The following SYNPR variants were observed in gnomAD, a reference collection of about 807,000 sequenced individuals.
The protein encoded by SYNPR is synaptoporin.
SYNPR carries 23 observed loss-of-function variants against 32.9 expected under a neutral mutation model. That is an observed-to-expected ratio of 0.70 (90% CI 0.50 to 0.99). The LOEUF (loss-of-function observed/expected upper bound fraction) is 0.99. SYNPR is among the 50% of genes least tolerant of loss of function. The pLI, the probability that SYNPR is intolerant of heterozygous loss-of-function variation, is 0.00. For missense variants in SYNPR, 318 were observed against 349.3 expected (o/e 0.91, Z 0.71); for synonymous variants, 146 against 135.9 (o/e 1.07, Z -0.52).
At chr3:63,494,455 A>ACG in intron 3 of SYNPR, among the ~76,000 whole-genome samples, 1 of 139,938 alleles carries the variant, frequency 7.1e-6, no homozygotes, top group Admixed American at 7.1e-5. Flanking sequence ...ATACACATAT[A>ACG]TATACATATA....
chr3:63,477,411 A>G (rs1292596137), intron 2 of SYNPR, among the ~76,000 whole-genome samples: 1 of 152,144 alleles, frequency 6.6e-6, no homozygotes, highest in Non-Finnish European at 1.5e-5. Flanking sequence ...ATATAGTATG[A>G]TTTCCCTTTA....
intron 2 of SYNPR, among the ~76,000 whole-genome samples, chr3:63,417,521 T>A (rs766989432): frequency 5.9e-5 from 9 of 152,236 alleles, no homozygotes; most frequent in Non-Finnish European, 1.0e-4. Context: ...TAGTAGGGAC[T>A]CTGTGTGGGG....
In SYNPR at chr3:63,425,246, G is replaced by T. The variant is rs115421100; in HGVS notation, c.85-55586G>T. ...ATGAGCAAATATTCATGTGCAAAGAGAAAACACTGTAAGGATAAACTCTCC... is the reference window on the plus strand; with the variant it reads ...ATGAGCAAATATTCATGTGCAAAGATAAAACACTGTAAGGATAAACTCTCC... On this transcript the variant is annotated intron_variant, in intron 2 of 5. Transcript: ENST00000478300. Among the ~76,000 whole-genome samples, 1,431 of 152,286 alleles carry T rather than the reference G, an allele frequency of 9.4e-3. 11 individuals carry two copies. The highest frequency in any genetic ancestry group is 0.024 in the Middle Eastern group (7 of 294).
chr3:63,615,469 C>T lies in SYNPR; in HGVS notation c.846C>T (p.Thr282=). ...GQQPTGPTSF[T]NQI ...AGCCTACTGGCCCCACTTCCTTTAC[C>T]AATCAGATTTAACAGAGTAGCATTT... The change falls in exon 6 of 6, where the codon ACC becomes ACT. Residue 282 remains threonine (T), a synonymous_variant. Transcript: ENST00000478300. 1 of 1,613,906 alleles carries T rather than the reference C, an allele frequency of 6.2e-7. No individual in the cohort carries two copies.
Position 63,470,240 on chromosome 3 carries a change from CT to C in SYNPR, c.85-10585del, listed in dbSNP as rs954269771. Among the ~76,000 whole-genome samples, 38 of 152,090 alleles carry C rather than the reference CT, an allele frequency of 2.5e-4. 1 individual carries two copies. The highest frequency in any genetic ancestry group is 8.4e-4 in the African/African-American group (35 of 41,424). Reference sequence around the variant, plus strand: ...TACAAAAATGCAATACATGTATTTACTTTTTTTGCTTTAAAAAGATTATAAA... The same window carrying C: ...TACAAAAATGCAATACATGTATTTACTTTTTTGCTTTAAAAAGATTATAAA... On this transcript the variant is annotated intron_variant, in intron 2 of 5. Transcript: ENST00000478300.
At chr3:63,289,670 G>A (rs62251349) in intron 2 of SYNPR, among the ~76,000 whole-genome samples, 69 of 151,938 alleles carry the variant, frequency 4.5e-4, no homozygotes, top group East Asian at 3.7e-3. Context: ...ATTACGGATC[G>A]AATTTCAACT....
Position 63,536,542 on chromosome 3 carries a change from A to C in SYNPR, c.210-20001A>C, listed in dbSNP as rs1307693087. ...AAATTGTAAAACCACTTTGGAAAAC[A>C]GTTTGGCAGTTCCTCCAAATGTTAA... On this transcript the variant is annotated intron_variant, in intron 3 of 5. Transcript: ENST00000478300. Among the ~76,000 whole-genome samples, 3 of 152,200 alleles carry C rather than the reference A, an allele frequency of 2.0e-5. No homozygotes were observed. In the East Asian group the frequency reaches 5.8e-4, roughly 29 times the overall value.
At chr3:63,580,568 T>C (rs1703072960) in intron 4 of SYNPR, among the ~76,000 whole-genome samples, 1 of 152,106 alleles carries the variant, frequency 6.6e-6, no homozygotes, top group South Asian at 2.1e-4. Flanking sequence ...CATCAGCCTT[T>C]TTTAACACAG....
intron 2 of SYNPR, among the ~76,000 whole-genome samples, chr3:63,331,629 T>C (rs945928178): frequency 1.2e-4 from 19 of 152,006 alleles, no homozygotes; most frequent in African/African-American, 4.6e-4. Context: ...TAAATATAAG[T>C]CCATGCTAAC....
At chr3:63,455,756 G>GGTGTGTGTGTGTGTGT (rs370244005) in intron 2 of SYNPR, among the ~76,000 whole-genome samples, 6,715 of 144,290 alleles carry the variant, frequency 0.047, 224 homozygotes, top group Middle Eastern at 0.095. Flanking sequence ...TCATGTTTGG[G>GGTGTGTGTGTGTGTGT]GTGTGTGTGT....
intron 4 of SYNPR, among the ~76,000 whole-genome samples, chr3:63,592,792 T>G (rs1240266730): frequency 2.0e-5 from 3 of 152,102 alleles, no homozygotes; most frequent in Non-Finnish European, 4.4e-5. Context: ...TATATTGTAT[T>G]TTTAGCTATA....
intron 2 of SYNPR, among the ~76,000 whole-genome samples, chr3:63,395,026 A>C (rs1316340544): frequency 6.6e-6 from 1 of 152,130 alleles, no homozygotes; most frequent in African/African-American, 2.4e-5. Flanking sequence ...TGCTCCCTTA[A>C]CTCACACAGG....
intron 2 of SYNPR, among the ~76,000 whole-genome samples, chr3:63,412,845 C>G (rs138389866): frequency 2.6e-5 from 4 of 152,114 alleles, no homozygotes; most frequent in Non-Finnish European, 5.9e-5. Flanking sequence ...TGAAGCATTT[C>G]GTGCAAGGGG....
intron 3 of SYNPR, among the ~76,000 whole-genome samples, chr3:63,549,485 G>A (rs996346259): frequency 1.3e-5 from 2 of 152,250 alleles, no homozygotes; most frequent in African/African-American, 4.8e-5. Flanking sequence ...CCTCAGGCAA[G>A]GTCATTATTC....
At chr3:63,597,048 G>C (rs1699972964) in intron 4 of SYNPR, among the ~76,000 whole-genome samples, 1 of 151,956 alleles carries the variant, frequency 6.6e-6, no homozygotes, top group African/African-American at 2.4e-5. Context: ...TTGATGTATT[G>C]GGGTTTGTTG....
chr3:63,469,675 C>T (rs1476641959), intron 2 of SYNPR, among the ~76,000 whole-genome samples: 1 of 152,040 alleles, frequency 6.6e-6, no homozygotes, highest in African/African-American at 2.4e-5. Flanking sequence ...CTATTCAACC[C>T]GATGGAAGTT....
chr3:63,615,308 A>T lies in SYNPR; in HGVS notation c.685A>T (p.Arg229Ter). 1 of 1,613,944 alleles carries T rather than the reference A, an allele frequency of 6.2e-7. No individual in the cohort carries two copies. Among genetic ancestry groups the T allele is most frequent in the Non-Finnish European group, 8.5e-7 (1 of 1,179,878 alleles). The change falls in exon 6 of 6, where the codon AGA becomes TGA. Residue 229 changes from arginine (R) to a stop codon, truncating the protein, a stop_gained. Transcript: ENST00000478300. LOFTEE classifies it high-confidence loss of function. ...GACCGGCTGGCATTCTTCGGGACAG[A>T]GATATCTTTCAGATCCAATGGAGAA... Reference protein sequence around the residue: ...KETGWHSSGQRYLSDPMEKHS... With the variant: ...KETGWHSSGQ
intron 1 of SYNPR, among the ~76,000 whole-genome samples, chr3:63,235,508 T>G (rs188960878): frequency 6.6e-6 from 1 of 152,304 alleles, no homozygotes; most frequent in Admixed American, 6.5e-5. Context: ...ACCATACAGA[T>G]TTTTGGGCCC....
chr3:63,358,282 T>C (rs2087610922), intron 2 of SYNPR, among the ~76,000 whole-genome samples: 1 of 152,242 alleles, frequency 6.6e-6, no homozygotes, highest in Non-Finnish European at 1.5e-5. Flanking sequence ...GGGGCTGTGA[T>C]CCTTTTGGAG....
Sources: gnomAD v4.1 joint callset for allele counts (sites outside exome capture counted in the v4.1 genomes callset) on GRCh38, gnomAD v4.1.1 for gene constraint, MANE v1.5 for transcripts, NCBI Gene and HGNC (gene_info 2026-07-23, HGNC 2026-07-21) for gene names.